The following PIK3R4 variants were observed in gnomAD, a reference collection of about 807,000 sequenced individuals.
The protein encoded by PIK3R4 is phosphoinositide 3-kinase regulatory subunit 4.
In PIK3R4, 46 loss-of-function variants were observed where a neutral mutation model predicts 136.5. The ratio of observed to expected loss-of-function variants is 0.34; its 90% confidence interval spans 0.27 to 0.43. The LOEUF is 0.43. PIK3R4 is among the 20% of genes least tolerant of loss of function. PIK3R4 has a pLI of 1.00. For missense variants in PIK3R4, 1,331 were observed against 1,649.5 expected (o/e 0.81, Z 3.35); for synonymous variants, 557 against 566.7 (o/e 0.98, Z 0.24).
chr3:130,735,278 T>C (rs2066779978), intron 3 of PIK3R4, among the ~76,000 whole-genome samples: 1 of 152,180 alleles, frequency 6.6e-6, no homozygotes, highest in Admixed American at 6.5e-5. Flanking sequence ...ATCACCACAA[T>C]ATCAGTTACC....
Position 130,697,298 on chromosome 3 carries a change from C to T in PIK3R4, c.3098+6425G>A, listed in dbSNP as rs377012072. On this transcript the variant is annotated intron_variant, in intron 13 of 19. Transcript: ENST00000356763. ...ATGTTGGCCAGGCTAGTCTCGAACTCCTGATCTCAGGTGATCCACCGCCTC... is the reference window on the plus strand; with the variant it reads ...ATGTTGGCCAGGCTAGTCTCGAACTTCTGATCTCAGGTGATCCACCGCCTC... Among the ~76,000 whole-genome samples the T allele has an allele frequency of 5.3e-5, 8 of 152,218 alleles. No homozygotes were observed. In the South Asian group the frequency reaches 8.3e-4, roughly 16 times the overall value.
chr3:130,714,968 C>T (rs1427692324), intron 9 of PIK3R4, among the ~76,000 whole-genome samples: 10 of 151,990 alleles, frequency 6.6e-5, no homozygotes, highest in East Asian at 3.9e-4. Context: ...TGTCCAGTAA[C>T]GGGATTGCTG....
At chr3:130,725,430 G>C (rs1275729641) in intron 6 of PIK3R4, among the ~76,000 whole-genome samples, 3 of 151,562 alleles carry the variant, frequency 2.0e-5, no homozygotes, top group Non-Finnish European at 1.5e-5. Flanking sequence ...AGAAGAAAAA[G>C]AAAATTTAGT....
At chr3:130,697,584 A>G (rs2066553265) in intron 13 of PIK3R4, among the ~76,000 whole-genome samples, 1 of 152,194 alleles carries the variant, frequency 6.6e-6, no homozygotes, top group Non-Finnish European at 1.5e-5. Flanking sequence ...TAATCAAATT[A>G]ATACCAACTT....
chr3:130,722,298 C>T (rs965726222), intron 7 of PIK3R4, among the ~76,000 whole-genome samples: 2 of 152,084 alleles, frequency 1.3e-5, no homozygotes, highest in African/African-American at 2.4e-5. Flanking sequence ...AGTAGTACCA[C>T]ACTGGGTTTA....
intron 7 of PIK3R4, among the ~76,000 whole-genome samples, chr3:130,721,102 G>A (rs1334287921): frequency 2.0e-5 from 3 of 152,104 alleles, no homozygotes; most frequent in South Asian, 4.2e-4. Flanking sequence ...TTGGGAGGCT[G>A]AGGCGGGCGG....
chr3:130,705,716 C>T lies in PIK3R4; in HGVS notation c.2777G>A (p.Ser926Asn). 1 of 1,612,192 alleles carries T rather than the reference C, an allele frequency of 6.2e-7. No homozygotes were observed. The highest frequency in any genetic ancestry group is 8.5e-7 in the Non-Finnish European group (1 of 1,178,322). Residue 926 changes from serine to asparagine, a missense_variant, in exon 12 of 20, where the codon AGT becomes AAT. By Grantham distance (46) the Ser-to-Asn change is conservative (BLOSUM62 1). Coordinates refer to ENST00000356763, the MANE Select transcript of PIK3R4 (RefSeq NM_014602.3). ...CTGATAGGTGGATGGTAAGATTGTACTACTTAAAACCGGTATTACTGGTTT... is the reference window on the plus strand; with the variant it reads ...CTGATAGGTGGATGGTAAGATTGTATTACTTAAAACCGGTATTACTGGTTT... The part of the protein sequence containing the change: ...NKKPVIPVLS[S>N]TILPSTYQIR...
intron 9 of PIK3R4, among the ~76,000 whole-genome samples, chr3:130,710,107 A>G (rs1396428547): frequency 6.6e-6 from 1 of 152,170 alleles, no homozygotes; most frequent in Non-Finnish European, 1.5e-5. Flanking sequence ...GGAAAACTAT[A>G]GGATAAGGTT....
At position 130,705,006 on chromosome 3, in the gene PIK3R4, T is replaced by A. The variant is rs532042028; in HGVS notation, c.2932+555A>T. The stretch of plus-strand genomic sequence containing the variant: ...CCACCACACCTGGCTAATTTTTATA[T>A]TTTTCATAGAGATGGGGTGTCACCA... On this transcript the variant is annotated intron_variant, in intron 12 of 19. Transcript: ENST00000356763. Among the ~76,000 whole-genome samples the A allele has an allele frequency of 2.6e-4, 39 of 152,114 alleles. 1 individual carries two copies. The South Asian group carries it at 7.9e-3, about 31-fold the overall frequency.
intron 6 of PIK3R4, among the ~76,000 whole-genome samples, chr3:130,724,675 G>A (rs971234006): frequency 3.3e-5 from 5 of 151,862 alleles, no homozygotes; most frequent in African/African-American, 1.2e-4. Flanking sequence ...AATCAGAGGT[G>A]GAGCACACAA....
intron 6 of PIK3R4, among the ~76,000 whole-genome samples, chr3:130,725,454 C>G (rs2066726074): frequency 6.6e-6 from 1 of 151,624 alleles, no homozygotes; most frequent in Non-Finnish European, 1.5e-5. Context: ...CATCCCACAT[C>G]ACAGACCAAA....
At chr3:130,732,810 A>T (rs73868956) in intron 4 of PIK3R4, among the ~76,000 whole-genome samples, 5,343 of 151,790 alleles carry the variant, frequency 0.035, 332 homozygotes, top group African/African-American at 0.12. Context: ...AAAAAAAGAC[A>T]ATATCATTAC....
At chr3:130,716,250 A>C (rs573981709) in intron 9 of PIK3R4, 146 bp downstream of exon 9, 2 of 643,230 alleles carry the variant, frequency 3.1e-6, no homozygotes, top group African/African-American at 3.7e-5. Flanking sequence ...AATCAAAAGC[A>C]AATGCCTAAG....
chr3:130,709,137 G>C (rs181885644), intron 9 of PIK3R4, among the ~76,000 whole-genome samples: 106 of 152,210 alleles, frequency 7.0e-4, no homozygotes, highest in African/African-American at 2.5e-3. Context: ...TAGCTATAAA[G>C]ATAATTACTG....
chr3:130,711,223 A>G (rs988297808), intron 9 of PIK3R4, among the ~76,000 whole-genome samples: 5 of 151,986 alleles, frequency 3.3e-5, no homozygotes, highest in African/African-American at 4.8e-5. Flanking sequence ...ACACACACAC[A>G]CACGCACGCA....
In PIK3R4 at chr3:130,718,970, T is replaced by G. The variant is rs373238760; in HGVS notation, c.1982-436A>C. 4.9e-4 allele frequency among the ~76,000 whole-genome samples: 74 copies of G among 152,198 alleles called. 1 individual carries two copies. In the South Asian group the frequency reaches 0.015, roughly 31 times the overall value. On this transcript the variant is annotated intron_variant, in intron 7 of 19. Coordinates refer to ENST00000356763, the MANE Select transcript of PIK3R4 (RefSeq NM_014602.3). ...CTCTACCACCCAAGGGGCAGAGAAA[T>G]TGGGGAGAATTTACTTCTCCAAGCT...
rs60432343 is a variant in PIK3R4, at chr3:130,697,063, CT to C, written c.3099-6410del. Among the ~76,000 whole-genome samples, 301 of 73,034 alleles carry C rather than the reference CT, an allele frequency of 4.1e-3. 1 individual carries two copies. Among genetic ancestry groups the C allele is most frequent in the African/African-American group, 0.018 (284 of 15,930 alleles). The allele number at this position is 73,034 out of a possible 152,430, so 47.9% of individuals were successfully genotyped here. On this transcript the variant is annotated intron_variant, in intron 13 of 19. Transcript: ENST00000356763. ...TTCTATCTGACATTGGCCACTCCAG[CT>C]TTTTTTTTTTTTTTTTTTTTTTTTG...
intron 2 of PIK3R4, among the ~76,000 whole-genome samples, chr3:130,738,408 C>T (rs964573186): frequency 2.6e-5 from 4 of 151,652 alleles, no homozygotes; most frequent in Non-Finnish European, 4.4e-5. Flanking sequence ...GGTGCTGAGG[C>T]GAAAAAAACA....
At chr3:130,696,273 T>G (rs564733499) in intron 13 of PIK3R4, among the ~76,000 whole-genome samples, 1 of 152,152 alleles carries the variant, frequency 6.6e-6, no homozygotes, top group South Asian at 2.1e-4. Flanking sequence ...CTATTTCATT[T>G]ATTTCCTCTT....
Sources: allele counts gnomAD v4.1 joint callset (sites outside exome capture counted in the v4.1 genomes callset), GRCh38; gene constraint gnomAD v4.1.1; transcripts MANE v1.5; gene names NCBI Gene and HGNC (gene_info 2026-07-23, HGNC 2026-07-21).